CAMTA1: variants seen among roughly 807,000 people sequenced by gnomAD.
The protein encoded by CAMTA1 is calmodulin-binding transcription activator 1.
A neutral mutation model predicts 170.9 loss-of-function variants in CAMTA1; 27 were observed. The observed-to-expected ratio is 0.16, with a 90% CI of 0.12 to 0.22. The LOEUF (loss-of-function observed/expected upper bound fraction) is 0.22. CAMTA1 is among the 10% of genes least tolerant of loss of function. The pLI is 1.00. For missense variants in CAMTA1, 1,619 were observed against 2,217.2 expected (o/e 0.73, Z 5.42); for synonymous variants, 833 against 891.5 (o/e 0.93, Z 1.17).
Position 7,545,900 on chromosome 1 carries a change from A to G in CAMTA1, c.510+77999A>G, listed in dbSNP as rs533845763. 1.3e-3 allele frequency among the ~76,000 whole-genome samples: 166 copies of G among 132,054 alleles called. 1 individual carries two copies. Among genetic ancestry groups the G allele is most frequent in the Admixed American group, 2.8e-3 (33 of 11,842 alleles). The allele number at this position is 132,054 out of a possible 152,430, so 86.6% of individuals were successfully genotyped here. On this transcript the variant is annotated intron_variant, in intron 6 of 22. Coordinates refer to ENST00000303635, the MANE Select transcript of CAMTA1 (RefSeq NM_015215.4). ...CCCCCGGACATGTCCATGTGTTCTC[A>G]TTGTTCAGCTCCCACTTACAAGTGA...
intron 1 of CAMTA1, among the ~76,000 whole-genome samples, chr1:6,810,927 C>G (rs1343156562): frequency 6.6e-6 from 1 of 152,054 alleles, no homozygotes; most frequent in African/African-American, 2.4e-5. Context: ...CAGGTGAGGC[C>G]TTGGAGGATG....
chr1:6,798,949 A>C (rs1038944299), intron 1 of CAMTA1, among the ~76,000 whole-genome samples: 5 of 152,194 alleles, frequency 3.3e-5, no homozygotes, highest in Admixed American at 6.5e-5. Flanking sequence ...GTGATTGGTT[A>C]GTTCTCTAGC....
chr1:7,528,777 T>C (rs1434856546), intron 6 of CAMTA1, among the ~76,000 whole-genome samples: 2 of 151,092 alleles, frequency 1.3e-5, no homozygotes, highest in African/African-American at 4.9e-5. Context: ...TTGGCTAAGA[T>C]CAAATGTAAA....
At chr1:7,484,146 C>T (rs1044976700) in intron 6 of CAMTA1, among the ~76,000 whole-genome samples, 5 of 152,190 alleles carry the variant, frequency 3.3e-5, no homozygotes, top group Non-Finnish European at 7.3e-5. Flanking sequence ...GCAGGGCCAT[C>T]ACCAGCTCAT....
At chr1:7,493,250 C>G (rs2093759074) in intron 6 of CAMTA1, among the ~76,000 whole-genome samples, 1 of 150,504 alleles carries the variant, frequency 6.6e-6, no homozygotes, top group South Asian at 2.1e-4. Context: ...CACGCACACA[C>G]AAACCTACGT....
intron 4 of CAMTA1, among the ~76,000 whole-genome samples, chr1:7,111,885 CAAAAAAAAAA>C (rs66460647): frequency 1.3e-5 from 1 of 75,664 alleles, no homozygotes; most frequent in African/African-American, 4.5e-5. Context: ...ACTCCATCTC[CAAAAAAAAAA>C]AAAAAAAAAA....
intron 5 of CAMTA1, among the ~76,000 whole-genome samples, chr1:7,272,712 A>AAAAAAAG (rs1670017608): frequency 5.5e-5 from 6 of 109,954 alleles, no homozygotes; most frequent in Non-Finnish European, 9.9e-5. Flanking sequence ...AAAAAAAAAA[A>AAAAAAAG]AAAAGAAAAG....
Position 7,682,968 on chromosome 1 carries a change from G to A in CAMTA1, c.2914+5235G>A, listed in dbSNP as rs994758602. Among the ~76,000 whole-genome samples, 1 of 152,128 alleles carries A rather than the reference G, an allele frequency of 6.6e-6. No individual in the cohort carries two copies. On this transcript the variant is annotated intron_variant, in intron 11 of 22. Coordinates refer to ENST00000303635, the MANE Select transcript of CAMTA1 (RefSeq NM_015215.4). The surrounding 1 kb of genome is among the most constrained non-coding windows in gnomAD (Gnocchi z 5.0). ...AGGCGGATCACAAGGTCAGGAGATCGAGCCCATCCTGGTTAACACGGTGAA... is the reference window on the plus strand; with the variant it reads ...AGGCGGATCACAAGGTCAGGAGATCAAGCCCATCCTGGTTAACACGGTGAA...
At position 7,206,298 on chromosome 1, in the gene CAMTA1, A is replaced by G. The variant is rs867309815; in HGVS notation, c.303-43193A>G. ...ATGATACTGAGTTGTCTCATCCAAG[A>G]AGAATTTATGTCTTCCCATTTGCTG... is the stretch of plus-strand genomic sequence containing the variant. On this transcript the variant is annotated intron_variant, in intron 4 of 22. Transcript: ENST00000303635. Among the ~76,000 whole-genome samples, 6 of 152,206 alleles carry G rather than the reference A, an allele frequency of 3.9e-5. No homozygotes were observed. In the South Asian group the frequency reaches 6.2e-4, roughly 16 times the overall value.
intron 4 of CAMTA1, among the ~76,000 whole-genome samples, chr1:7,163,170 A>G (rs80080235): frequency 6.6e-6 from 1 of 151,780 alleles, no homozygotes; most frequent in African/African-American, 2.4e-5. Flanking sequence ...CCCGAGAATG[A>G]CTGGGTGATA....
rs1458927055 is a variant in CAMTA1, at chr1:7,641,030, T to C, written c.664+477T>C. ...CCCAGGCTGGGTGGCAAATAGATGA[T>C]GGTAATTGAGCTGGATTTCATTTTG... On this transcript the variant is annotated intron_variant, in intron 7 of 22. Coordinates refer to ENST00000303635, the MANE Select transcript of CAMTA1 (RefSeq NM_015215.4). The surrounding 1 kb of genome is among the most constrained non-coding windows in gnomAD (Gnocchi z 4.5). Among the ~76,000 whole-genome samples, 3 of 152,122 alleles carry C rather than the reference T, an allele frequency of 2.0e-5. No individual in the cohort carries two copies. Among genetic ancestry groups the C allele is most frequent in the Non-Finnish European group, 4.4e-5 (3 of 68,024 alleles).
At chr1:6,954,466 G>T (rs1689088926) in intron 3 of CAMTA1, among the ~76,000 whole-genome samples, 1 of 152,196 alleles carries the variant, frequency 6.6e-6, no homozygotes, top group African/African-American at 2.4e-5. Context: ...ATCCAAAGTG[G>T]ATCTCCTAGG....
chr1:7,701,049 T>A (rs1237888326), intron 11 of CAMTA1: 2 of 152,270 alleles, frequency 1.3e-5, no homozygotes, highest in Non-Finnish European at 2.9e-5. Context: ...AAAAAATCCT[T>A]TGTAGAAATT....
chr1:7,734,104 C>T (rs2096753370), intron 12 of CAMTA1, among the ~76,000 whole-genome samples: 2 of 152,098 alleles, frequency 1.3e-5, no homozygotes, highest in South Asian at 2.1e-4. Flanking sequence ...TGGGCCACCA[C>T]GCCTGGCTAA....
intron 3 of CAMTA1, among the ~76,000 whole-genome samples, chr1:6,946,784 C>T (rs901781678): frequency 1.3e-5 from 2 of 150,722 alleles, no homozygotes; most frequent in African/African-American, 2.4e-5. Flanking sequence ...CTTCCTTCAC[C>T]GTGTCCTTTG....
rs192947542 is a variant in CAMTA1 at position 7,282,709 on chromosome 1, C to T, written c.438+33083C>T. 2.3e-3 allele frequency among the ~76,000 whole-genome samples: 350 copies of T among 152,108 alleles called. 3 individuals are homozygous for T. The highest frequency in any genetic ancestry group is 8.2e-3 in the African/African-American group (341 of 41,486). On this transcript the variant is annotated intron_variant, in intron 5 of 22. Coordinates refer to ENST00000303635, the MANE Select transcript of CAMTA1 (RefSeq NM_015215.4). The stretch of plus-strand genomic sequence containing the variant: ...GTTGGGGCTGCCCTCCCTCAGGGAG[C>T]CTGCAGTGAGGGAGGGAAATAGATT...
intron 5 of CAMTA1, among the ~76,000 whole-genome samples, chr1:7,440,645 G>A (rs1348559854): frequency 6.6e-6 from 1 of 152,148 alleles, no homozygotes; most frequent in Non-Finnish European, 1.5e-5. Context: ...AGCAGGTGAA[G>A]GTGTGGTCCC....
intron 4 of CAMTA1, among the ~76,000 whole-genome samples, chr1:7,237,791 C>A (rs533133621): frequency 6.6e-6 from 1 of 152,350 alleles, no homozygotes; most frequent in East Asian, 1.9e-4. Context: ...CTACACCTTA[C>A]AATGCACCAT....
At chr1:7,728,773 T>C (rs2096710155) in intron 11 of CAMTA1, among the ~76,000 whole-genome samples, 1 of 152,228 alleles carries the variant, frequency 6.6e-6, no homozygotes, top group South Asian at 2.1e-4. Flanking sequence ...GGAAGAGACC[T>C]GTGATCTGCA....
Sources: gnomAD v4.1 joint callset for allele counts (sites outside exome capture counted in the v4.1 genomes callset) on GRCh38, gnomAD v4.1.1 for gene constraint, Gnocchi (gnomAD v3.1) non-coding constraint, MANE v1.5 for transcripts, NCBI Gene and HGNC (gene_info 2026-07-23, HGNC 2026-07-21) for gene names.